The following PWP1 variants were observed in gnomAD, a reference collection of about 807,000 sequenced individuals.
PWP1 encodes the protein PWP1 homolog, endonuclein.
Under a neutral mutation model 69.9 loss-of-function variants are expected in PWP1, and 47 were observed. That is an observed-to-expected ratio of 0.67 (90% CI 0.53 to 0.86). The LOEUF (loss-of-function observed/expected upper bound fraction) is 0.86. Among genes scored for constraint, PWP1 ranks in the 40% least tolerant of loss-of-function variants. PWP1 has a pLI of 0.00. For synonymous variants in PWP1, 222 were observed against 208.2 expected (o/e 1.07, Z -0.57); for missense variants, 551 against 608.8 (o/e 0.91, Z 1.00).
At chr12:107,694,232 T>G (rs1156371009) in intron 5 of PWP1, among the ~76,000 whole-genome samples, 1 of 152,250 alleles carries the variant, frequency 6.6e-6, no homozygotes, top group Admixed American at 6.5e-5. Flanking sequence ...TCCCTTCCAC[T>G]GCGCTCATAT....
intron 14 of PWP1, among the ~76,000 whole-genome samples, chr12:107,711,777 C>T (rs1052714035): frequency 3.9e-5 from 6 of 151,906 alleles, no homozygotes; most frequent in East Asian, 1.9e-4. Flanking sequence ...AGTTCTGTGC[C>T]GGTTATGATC....
intron 5 of PWP1, among the ~76,000 whole-genome samples, chr12:107,694,842 A>T (rs1889550894): frequency 6.6e-6 from 1 of 152,110 alleles, no homozygotes; most frequent in African/African-American, 2.4e-5. Flanking sequence ...ATACTTTATT[A>T]TTTGGGTTTG....
chr12:107,696,432 C>T (rs1472361917), intron 5 of PWP1, 42 bp from the exon 6 acceptor site: 2 of 1,597,548 alleles, frequency 1.3e-6, no homozygotes, highest in South Asian at 2.3e-5. Context: ...TTTTTGATGA[C>T]TCATTCTGAT....
At chr12:107,699,522 T>A in intron 8 of PWP1, 88 bp downstream of exon 8, 1 of 1,034,438 alleles carries the variant, frequency 9.7e-7, no homozygotes, top group Non-Finnish European at 1.5e-6. Flanking sequence ...TTATTTGTGC[T>A]GTGGACCTTT....
At position 107,709,022 on chromosome 12, in the gene PWP1, C is replaced by T; in HGVS notation, c.1168+6C>T. On this transcript the variant is annotated splice_donor_region_variant and intron_variant, in intron 12 of 14. Transcript: ENST00000412830. ...ACACAATGATGAAATCTCTGGTGAG[C>T]AAGAGTAATGCTTCTTTCATTTTTC... is the stretch of plus-strand genomic sequence containing the variant. The T allele has an allele frequency of 6.2e-7, 1 of 1,613,668 alleles. No homozygotes were observed. The highest frequency in any genetic ancestry group is 8.5e-7 in the Non-Finnish European group (1 of 1,179,734).
At chr12:107,712,075 ATC>A in intron 14 of PWP1, 34 bp from the exon 15 acceptor site, 1 of 1,526,098 alleles carries the variant, frequency 6.6e-7, no homozygotes, top group Non-Finnish European at 9.1e-7. Flanking sequence ...TAATTTCCTG[ATC>A]TGTTAGTTTC....
intron 7 of PWP1, chr12:107,697,810 T>C (rs1012000528): frequency 1.2e-5 from 7 of 595,936 alleles, no homozygotes; most frequent in Admixed American, 6.4e-5. Context: ...ATGTTGTTCT[T>C]TCTTACACAA....
intron 7 of PWP1, among the ~76,000 whole-genome samples, chr12:107,697,977 T>G (rs1048056188): frequency 6.6e-6 from 1 of 152,254 alleles, no homozygotes; most frequent in East Asian, 1.9e-4. Flanking sequence ...TAATTATCCA[T>G]GTATTAACTC....
At chr12:107,697,691 G>T in intron 7 of PWP1, 94 bp downstream of exon 7, 1 of 1,251,046 alleles carries the variant, frequency 8.0e-7, no homozygotes, top group African/African-American at 1.5e-5. Context: ...TTTTCAATCA[G>T]GTATTCTTGG....
intron 11 of PWP1, among the ~76,000 whole-genome samples, chr12:107,708,487 C>T (rs1226368324): frequency 6.6e-6 from 1 of 152,100 alleles, no homozygotes; most frequent in Non-Finnish European, 1.5e-5. Flanking sequence ...TCCTAAGTTC[C>T]TTATCTGATT....
intron 3 of PWP1, among the ~76,000 whole-genome samples, chr12:107,692,193 G>A (rs1216430948): frequency 6.6e-6 from 1 of 152,178 alleles, no homozygotes; most frequent in African/African-American, 2.4e-5. Context: ...CCTTAAAGTG[G>A]CTTCCTCTAA....
At chr12:107,697,640 A>G in intron 7 of PWP1, 43 bp downstream of exon 7, 1 of 1,569,628 alleles carries the variant, frequency 6.4e-7, no homozygotes, top group South Asian at 1.1e-5. Context: ...GACAGAGGTA[A>G]GTTTACTCGG....
intron 5 of PWP1, among the ~76,000 whole-genome samples, chr12:107,693,965 A>G (rs1302623683): frequency 6.6e-6 from 1 of 152,206 alleles, no homozygotes; most frequent in Non-Finnish European, 1.5e-5. Flanking sequence ...TTGGAACCAA[A>G]ACATCGTGAT....
chr12:107,694,182 G>A (rs1436920987), intron 5 of PWP1, among the ~76,000 whole-genome samples: 1 of 152,126 alleles, frequency 6.6e-6, no homozygotes, highest in East Asian at 1.9e-4. Context: ...CACAATGTCT[G>A]GCGCACTCTG....
At chr12:107,692,528 C>G (rs893689539) in intron 3 of PWP1, among the ~76,000 whole-genome samples, 1 of 152,192 alleles carries the variant, frequency 6.6e-6, no homozygotes, top group Middle Eastern at 3.2e-3. Flanking sequence ...TAGAGAATCT[C>G]AAGAGAGTTC....
Position 107,696,492 on chromosome 12 carries a change from ACT to A in PWP1, c.524_525del (p.Ser175PhefsTer6). On this transcript the variant is annotated frameshift_variant, in exon 6 of 15. Coordinates refer to ENST00000412830, the MANE Select transcript of PWP1 (RefSeq NM_007062.3). LOFTEE classifies it high-confidence loss of function. ...TTTTCAGTTTATAATCAAGAAGAAG[ACT>A]CTTTTTATGTACACCATGATATACT... The A allele has an allele frequency of 6.2e-7, 1 of 1,612,804 alleles. No individual in the cohort carries two copies. Among genetic ancestry groups the A allele is most frequent in the South Asian group, 1.1e-5 (1 of 90,854 alleles).
chr12:107,708,961 T>C lies in PWP1; in HGVS notation c.1113T>C (p.Asp371=), dbSNP rs1412020743. The change falls in exon 12 of 15, where the codon GAT becomes GAC. Residue 371 remains aspartate, a synonymous_variant. Coordinates refer to ENST00000412830, the MANE Select transcript of PWP1 (RefSeq NM_007062.3). ...ATGACGGCTTTGTATATAATTTGGATGCACGTTCAGATAAGCCAATTTTTA... is the reference window on the plus strand; with the variant it reads ...ATGACGGCTTTGTATATAATTTGGACGCACGTTCAGATAAGCCAATTTTTA... ...STDDGFVYNL[D]ARSDKPIFTL... The C allele has an allele frequency of 6.2e-7, 1 of 1,613,838 alleles. No homozygotes were observed. The highest frequency in any genetic ancestry group is 1.7e-5 in the Admixed American group (1 of 59,946).
At chr12:107,706,917 T>C (rs1486092336) in intron 11 of PWP1, among the ~76,000 whole-genome samples, 1 of 152,198 alleles carries the variant, frequency 6.6e-6, no homozygotes, top group Non-Finnish European at 1.5e-5. Flanking sequence ...TTTAAAGTAG[T>C]TGTTTCCAAT....
intron 10 of PWP1, 102 bp from the exon 11 acceptor site, chr12:107,704,534 G>C (rs772781473): frequency 1.6e-4 from 120 of 763,780 alleles, no homozygotes; most frequent in Non-Finnish European, 2.2e-4. Context: ...GGCTTTAAAT[G>C]AATCTTGATT....
Sources: gnomAD v4.1 joint callset for allele counts (sites outside exome capture counted in the v4.1 genomes callset) on GRCh38, gnomAD v4.1.1 for gene constraint, MANE v1.5 for transcripts, NCBI Gene and HGNC (gene_info 2026-07-23, HGNC 2026-07-21) for gene names.